Variants in PALS2 observed in about 807,000 individuals in gnomAD.
PALS2 encodes the protein protein associated with LIN7 2, MAGUK p55 family member.
A neutral mutation model predicts 61.6 loss-of-function variants in PALS2; 27 were observed. The ratio of observed to expected loss-of-function variants is 0.44; its 90% CI spans 0.32 to 0.60. PALS2 has a LOEUF of 0.60. Ranked by LOEUF, PALS2 falls within the 20% of genes least tolerant of loss-of-function variation. PALS2 has a pLI of 0.05. For missense variants in PALS2, 554 were observed against 639.4 expected, an observed-to-expected ratio of 0.87 and a Z score of 1.44; for synonymous variants, 236 against 218.6, an observed-to-expected ratio of 1.08 and a Z score of -0.70.
chr7:24,624,052 GTT>G, intron 2 of PALS2: 1 of 1,324,972 alleles, frequency 7.5e-7, no homozygotes, highest in Non-Finnish European at 1.0e-6. Context: ...GCACAGTTGT[GTT>G]TTAACAGGGC....
intron 2 of PALS2, among the ~76,000 whole-genome samples, chr7:24,638,317 A>ATTTTTTTTTTTTT (rs1562631729): frequency 1.4e-4 from 2 of 14,252 alleles, no homozygotes; most frequent in Non-Finnish European, 2.2e-4. Context: ...CAATTTCTGT[A>ATTTTTTTTTTTTT]TTTTCTTTTT....
chr7:24,635,378 T>C (rs1053484952), intron 2 of PALS2, among the ~76,000 whole-genome samples: 12 of 152,224 alleles, frequency 7.9e-5, no homozygotes, highest in Non-Finnish European at 1.5e-4. Context: ...AGAAATATAA[T>C]TGATTTTTGT....
intron 9 of PALS2, among the ~76,000 whole-genome samples, chr7:24,676,780 C>T (rs910121417): frequency 6.6e-6 from 1 of 151,064 alleles, no homozygotes; most frequent in African/African-American, 2.5e-5. Context: ...TTACTGTAGC[C>T]TTGTAGTATA....
At chr7:24,587,716 C>T (rs1783126870) in intron 1 of PALS2, among the ~76,000 whole-genome samples, 1 of 151,230 alleles carries the variant, frequency 6.6e-6, no homozygotes. Flanking sequence ...TGATTCTTAT[C>T]AGAAAGTTTC....
At chr7:24,677,781 A>G (rs1787697392) in intron 9 of PALS2, among the ~76,000 whole-genome samples, 1 of 152,206 alleles carries the variant, frequency 6.6e-6, no homozygotes, top group African/African-American at 2.4e-5. Flanking sequence ...AAGATTCTCA[A>G]AGATACTTTA....
intron 1 of PALS2, among the ~76,000 whole-genome samples, chr7:24,593,638 T>G (rs1783385581): frequency 6.6e-6 from 1 of 152,142 alleles, no homozygotes; most frequent in African/African-American, 2.4e-5. Flanking sequence ...TGCATGTCTA[T>G]CAGAGCTCTT....
At chr7:24,642,234 T>C (rs1785594771) in intron 3 of PALS2, among the ~76,000 whole-genome samples, 1 of 152,196 alleles carries the variant, frequency 6.6e-6, no homozygotes, top group South Asian at 2.1e-4. Context: ...TACTTTTTAG[T>C]ATTGCTTCTC....
At position 24,692,965 on chromosome 7, in the gene PALS2, G is replaced by T. The variant is rs1788543838; in HGVS notation, c.*5351G>T. 6.6e-6 allele frequency: 1 copy of T among 152,142 alleles called. No individual in the cohort carries two copies. Among genetic ancestry groups the T allele is most frequent in the Non-Finnish European group, 1.5e-5 (1 of 67,998 alleles). The allele number at this position is 152,142 out of a possible 1,614,324, so 9.4% of individuals were successfully genotyped here. A position where few individuals can be genotyped will look rare whatever the true frequency, so the allele number is the denominator to read the frequency against. On this transcript the variant is annotated 3_prime_UTR_variant, in exon 12 of 12. Transcript: ENST00000222644. Reference sequence around the variant, plus strand: ...AAAATCCAGATATTAATCCACTTTAGTTATTACTTTGTAATTGCTTCTCAG... The same window carrying T: ...AAAATCCAGATATTAATCCACTTTATTTATTACTTTGTAATTGCTTCTCAG...
chr7:24,625,396 C>G (rs1182123090), intron 2 of PALS2, among the ~76,000 whole-genome samples: 1 of 152,156 alleles, frequency 6.6e-6, no homozygotes, highest in Non-Finnish European at 1.5e-5. Context: ...TTAAAATACA[C>G]TGTTTTGTCT....
chr7:24,584,991 C>T (rs904688548), intron 1 of PALS2, among the ~76,000 whole-genome samples: 5 of 151,682 alleles, frequency 3.3e-5, no homozygotes, highest in Admixed American at 1.3e-4. Flanking sequence ...GGCATTATTT[C>T]TGAGGGCTCT....
At chr7:24,634,534 C>T (rs1785152629) in intron 2 of PALS2, among the ~76,000 whole-genome samples, 1 of 152,060 alleles carries the variant, frequency 6.6e-6, no homozygotes, top group South Asian at 2.1e-4. Flanking sequence ...CCGGCTGAAG[C>T]ACAGAAGCTT....
chr7:24,644,160 A>T (rs1785710005), intron 3 of PALS2, among the ~76,000 whole-genome samples: 1 of 150,568 alleles, frequency 6.6e-6, no homozygotes, highest in African/African-American at 2.5e-5. Context: ...TTACATAGGT[A>T]AACACATGTA....
rs182974951 is a variant in PALS2 at position 24,635,222 on chromosome 7, C to A, written c.118-6494C>A. 1.7e-3 allele frequency among the ~76,000 whole-genome samples: 262 copies of A among 152,230 alleles called. 4 individuals are homozygous for A. Among genetic ancestry groups the A allele is most frequent in the Middle Eastern group, 6.8e-3 (2 of 294 alleles). On this transcript the variant is annotated intron_variant, in intron 2 of 11. Transcript: ENST00000222644. ...AAACATTTATTTAAATCTTTAATTT[C>A]TTTCAACAATGTTTTATAATTTTCA...
intron 1 of PALS2, among the ~76,000 whole-genome samples, chr7:24,607,518 T>C (rs1783947975): frequency 6.6e-6 from 1 of 151,792 alleles, no homozygotes; most frequent in South Asian, 2.1e-4. Context: ...TATATATGTG[T>C]ATATATGTGT....
At chr7:24,628,995 A>G (rs1206240529) in intron 2 of PALS2, among the ~76,000 whole-genome samples, 1 of 152,174 alleles carries the variant, frequency 6.6e-6, no homozygotes, top group Admixed American at 6.5e-5. Flanking sequence ...AACTACTTTA[A>G]ATTTCATATG....
intron 1 of PALS2, among the ~76,000 whole-genome samples, chr7:24,617,313 A>G (rs528009513): frequency 6.6e-6 from 1 of 152,228 alleles, no homozygotes; most frequent in South Asian, 2.1e-4. Flanking sequence ...TCATGTATCT[A>G]TTATTTTGTA....
chr7:24,633,546 G>C (rs1028327766), intron 2 of PALS2, among the ~76,000 whole-genome samples: 3 of 145,936 alleles, frequency 2.1e-5, no homozygotes, highest in Admixed American at 7.4e-5. Flanking sequence ...CTTAGAATTC[G>C]GGGTTTTTAA....
At chr7:24,608,162 T>C (rs1460786634) in intron 1 of PALS2, among the ~76,000 whole-genome samples, 10 of 152,300 alleles carry the variant, frequency 6.6e-5, no homozygotes, top group East Asian at 1.9e-4. Flanking sequence ...TGGAGTCTAC[T>C]CCATTATCTC....
intron 5 of PALS2, among the ~76,000 whole-genome samples, chr7:24,658,212 C>T (rs561980703): frequency 1.3e-5 from 2 of 152,288 alleles, no homozygotes; most frequent in East Asian, 1.9e-4. Flanking sequence ...CTATTAATCA[C>T]ACCTAGTGGG....
Sources: allele counts gnomAD v4.1 joint callset (sites outside exome capture counted in the v4.1 genomes callset), GRCh38; gene constraint gnomAD v4.1.1; transcripts MANE v1.5; gene names NCBI Gene and HGNC (gene_info 2026-07-23, HGNC 2026-07-21).